Variants in SFMBT2 observed in about 807,000 individuals in gnomAD.
SFMBT2 encodes the protein scm-like with four MBT domains protein 2.
SFMBT2 carries 38 observed loss-of-function variants against 110.1 expected under a neutral mutation model. The observed-to-expected ratio is 0.35, with a 90% CI of 0.27 to 0.45. The LOEUF (loss-of-function observed/expected upper bound fraction) is 0.45. Ranked by LOEUF, SFMBT2 falls within the 20% of genes least tolerant of loss-of-function variation. The pLI, the probability that SFMBT2 is intolerant of heterozygous loss-of-function variation, is 1.00. For synonymous variants in SFMBT2, 425 were observed against 425.4 expected (o/e 1.00, Z 0.01); for missense variants, 1,011 against 1,094.9 (o/e 0.92, Z 1.08).
intron 4 of SFMBT2, among the ~76,000 whole-genome samples, chr10:7,320,981 T>C (rs1336065395): frequency 6.6e-6 from 1 of 152,222 alleles, no homozygotes. Flanking sequence ...AAAATTTCAG[T>C]GGCTGCTTTT....
intron 4 of SFMBT2, among the ~76,000 whole-genome samples, chr10:7,354,099 A>AT (rs1554808804): frequency 3.6e-4 from 54 of 151,336 alleles, no homozygotes; most frequent in African/African-American, 7.8e-4. Context: ...AAAAAAAAAA[A>AT]ATATAAATAA....
intron 1 of SFMBT2, among the ~76,000 whole-genome samples, chr10:7,395,881 G>A (rs565930084): frequency 1.3e-5 from 2 of 151,974 alleles, no homozygotes; most frequent in African/African-American, 4.8e-5. Context: ...TTATATTACT[G>A]CTTACCTTAG....
chr10:7,351,801 G>C (rs1463016078), intron 4 of SFMBT2, among the ~76,000 whole-genome samples: 1 of 151,872 alleles, frequency 6.6e-6, no homozygotes, highest in Non-Finnish European at 1.5e-5. Context: ...CAAGTGCCCT[G>C]CTATTAGGGC....
chr10:7,354,098 A>AT (rs1207679619), intron 4 of SFMBT2, among the ~76,000 whole-genome samples: 4 of 151,400 alleles, frequency 2.6e-5, no homozygotes, highest in African/African-American at 9.7e-5. Flanking sequence ...AAAAAAAAAA[A>AT]AATATAAATA....
chr10:7,339,289 G>A (rs2131979779), intron 4 of SFMBT2, among the ~76,000 whole-genome samples: 1 of 152,222 alleles, frequency 6.6e-6, no homozygotes, highest in East Asian at 1.9e-4. Context: ...GCTTTTTAAT[G>A]AAAACAAATA....
intron 16 of SFMBT2, among the ~76,000 whole-genome samples, 167 bp downstream of exon 16, chr10:7,188,457 T>C (rs896469909): frequency 1.3e-4 from 20 of 152,228 alleles, no homozygotes; most frequent in Non-Finnish European, 2.6e-4. Flanking sequence ...CAACGCTGTA[T>C]GGCAAAAATG....
chr10:7,327,168 C>G (rs1291930555), intron 4 of SFMBT2, among the ~76,000 whole-genome samples: 6 of 148,962 alleles, frequency 4.0e-5, no homozygotes, highest in Non-Finnish European at 4.5e-5. Flanking sequence ...CTCCCTATTC[C>G]TCTCTCGTAT....
At chr10:7,194,894 A>G (rs1430215219) in intron 15 of SFMBT2, among the ~76,000 whole-genome samples, 2 of 152,252 alleles carry the variant, frequency 1.3e-5, no homozygotes, top group Non-Finnish European at 2.9e-5. Flanking sequence ...CATTTAGTAA[A>G]GTAAAACAGC....
chr10:7,164,223 C>CAA (rs911813983), intron 20 of SFMBT2: 4 of 767,616 alleles, frequency 5.2e-6, no homozygotes, highest in Non-Finnish European at 6.3e-6. Context: ...ACGGTCTCTA[C>CAA]AAAAAATTTA....
intron 16 of SFMBT2, among the ~76,000 whole-genome samples, chr10:7,178,680 A>G (rs141341837): frequency 2.0e-5 from 3 of 152,304 alleles, no homozygotes; most frequent in Middle Eastern, 3.4e-3. Context: ...CCCAAGAAAA[A>G]CCGCAGGTAA....
chr10:7,337,777 T>C (rs1486226489), intron 4 of SFMBT2, among the ~76,000 whole-genome samples: 1 of 152,224 alleles, frequency 6.6e-6, no homozygotes, highest in Non-Finnish European at 1.5e-5. Context: ...TTCCATCTTC[T>C]ATCAGGCCCT....
chr10:7,211,514 G>T (rs939158629), intron 11 of SFMBT2, among the ~76,000 whole-genome samples: 2 of 152,170 alleles, frequency 1.3e-5, no homozygotes, highest in African/African-American at 2.4e-5. Flanking sequence ...GCCAGAGCCA[G>T]TCCTGCTGCT....
intron 4 of SFMBT2, among the ~76,000 whole-genome samples, chr10:7,303,011 TAA>T (rs34419665): frequency 0.48 from 72,025 of 150,432 alleles, 17,223 homozygotes; most frequent in East Asian, 0.7. Context: ...GTTACAATGT[TAA>T]AAAAAAAAAA....
At chr10:7,219,774 T>A (rs7078377) in intron 11 of SFMBT2, 78,186 of 282,948 alleles carry the variant, frequency 0.28, 11,997 homozygotes, top group South Asian at 0.39. Context: ...TCCATTGTAA[T>A]TATTTATCAC....
chr10:7,270,083 A>G (rs758077050), intron 7 of SFMBT2, among the ~76,000 whole-genome samples: 4 of 152,166 alleles, frequency 2.6e-5, no homozygotes, highest in Non-Finnish European at 5.9e-5. Flanking sequence ...TGTAACTGCA[A>G]TTGAGTTAAG....
In SFMBT2 at chr10:7,261,079, T is replaced by C. The variant is rs531287317; in HGVS notation, c.871-12430A>G. Among the ~76,000 whole-genome samples, 3 of 152,262 alleles carry C rather than the reference T, an allele frequency of 2.0e-5. No individual in the cohort carries two copies. The East Asian group carries it at 5.8e-4, about 29-fold the overall frequency. ...TCTCTGAGCCTGGCAATTCCTGAACTTAACCAGTAAGACTCCTGTGCCTCT... is the reference window on the plus strand; with the variant it reads ...TCTCTGAGCCTGGCAATTCCTGAACCTAACCAGTAAGACTCCTGTGCCTCT... On this transcript the variant is annotated intron_variant, in intron 7 of 20. Coordinates refer to ENST00000397167, the MANE Select transcript of SFMBT2 (RefSeq NM_001387889.1).
intron 4 of SFMBT2, among the ~76,000 whole-genome samples, chr10:7,330,016 C>A (rs1305055600): frequency 6.6e-6 from 1 of 152,118 alleles, no homozygotes; most frequent in South Asian, 2.1e-4. Context: ...CTGAAGAAAC[C>A]CTTTGCACGA....
chr10:7,395,009 G>C (rs1845883302), intron 1 of SFMBT2, among the ~76,000 whole-genome samples: 1 of 152,160 alleles, frequency 6.6e-6, no homozygotes, highest in Non-Finnish European at 1.5e-5. Context: ...TTCACCACTA[G>C]TGTAGGTGGG....
At chr10:7,403,343 G>A (rs1264529749) in intron 1 of SFMBT2, among the ~76,000 whole-genome samples, 1 of 152,138 alleles carries the variant, frequency 6.6e-6, no homozygotes, top group Non-Finnish European at 1.5e-5. Context: ...TAAGTGAATG[G>A]TTTAAAGTGC....
Sources: gnomAD v4.1 joint callset for allele counts (sites outside exome capture counted in the v4.1 genomes callset) on GRCh38, gnomAD v4.1.1 for gene constraint, MANE v1.5 for transcripts, NCBI Gene and HGNC (gene_info 2026-07-23, HGNC 2026-07-21) for gene names.